Variants in AGBL4 observed in about 807,000 individuals in gnomAD.
AGBL4 encodes the protein AGBL carboxypeptidase 4, also known as cytosolic carboxypeptidase 6.
In AGBL4, 58 loss-of-function variants were observed where a neutral mutation model predicts 66.4. That is an observed-to-expected ratio of 0.87 (90% CI 0.71 to 1.09). The LOEUF is 1.09. AGBL4 is among the 50% of genes least tolerant of loss of function. The pLI is 0.00. For missense variants in AGBL4, 579 were observed against 631.0 expected, an observed-to-expected ratio of 0.92 and a Z score of 0.88; for synonymous variants, 234 against 222.9, an observed-to-expected ratio of 1.05 and a Z score of -0.44.
At chr1:49,871,103 G>A (rs1646828527) in intron 1 of AGBL4, among the ~76,000 whole-genome samples, 1 of 152,008 alleles carries the variant, frequency 6.6e-6, no homozygotes, top group Non-Finnish European at 1.5e-5. Flanking sequence ...AATTAGTTCA[G>A]AATTTCTCTG....
At chr1:48,776,492 G>T in intron 6 of AGBL4, 2 of 769,344 alleles carry the variant, frequency 2.6e-6, no homozygotes, top group East Asian at 3.4e-5. Context: ...GGAGAAGGAG[G>T]CAGGAAGGAG....
intron 4 of AGBL4, among the ~76,000 whole-genome samples, chr1:49,057,874 T>C (rs897127466): frequency 6.6e-6 from 1 of 152,154 alleles, no homozygotes. Context: ...ACAATAGATA[T>C]TTGTTAACTG....
chr1:48,574,980 A>G (rs1169042408), intron 11 of AGBL4, among the ~76,000 whole-genome samples: 1 of 152,110 alleles, frequency 6.6e-6, no homozygotes, highest in African/African-American at 2.4e-5. Flanking sequence ...AGCAAATCCT[A>G]AGATGACCAT....
intron 1 of AGBL4, among the ~76,000 whole-genome samples, chr1:49,861,337 A>G (rs1409564691): frequency 6.6e-6 from 1 of 152,072 alleles, no homozygotes; most frequent in Non-Finnish European, 1.5e-5. Flanking sequence ...CCCTAACCCT[A>G]GGCTGTAGAG....
intron 3 of AGBL4, among the ~76,000 whole-genome samples, chr1:49,296,176 T>A (rs958574090): frequency 3.9e-5 from 6 of 152,220 alleles, no homozygotes; most frequent in Non-Finnish European, 5.9e-5. Flanking sequence ...GCATTCTGGG[T>A]TTATCAGCAT....
intron 1 of AGBL4, among the ~76,000 whole-genome samples, chr1:49,950,123 T>C (rs143118895): frequency 8.6e-4 from 121 of 140,880 alleles, no homozygotes; most frequent in African/African-American, 3.1e-3. Context: ...TATATACACA[T>C]ATGTGTATAT....
chr1:49,423,883 C>G (rs1017230179), intron 3 of AGBL4, among the ~76,000 whole-genome samples: 1 of 150,680 alleles, frequency 6.6e-6, no homozygotes, highest in African/African-American at 2.4e-5. Flanking sequence ...TTAAGAGACA[C>G]AGCCGAGCTC....
intron 3 of AGBL4, among the ~76,000 whole-genome samples, chr1:49,483,158 T>C (rs758735830): frequency 4.6e-5 from 7 of 152,104 alleles, no homozygotes; most frequent in Non-Finnish European, 8.8e-5. Context: ...TTTCAGGTCT[T>C]GAATATCTTT....
chr1:49,234,267 A>T (rs1197410894), intron 4 of AGBL4, among the ~76,000 whole-genome samples: 1 of 152,230 alleles, frequency 6.6e-6, no homozygotes, highest in Non-Finnish European at 1.5e-5. Context: ...TTTGAAGGGA[A>T]GGAAGTAAAT....
intron 6 of AGBL4, among the ~76,000 whole-genome samples, chr1:48,679,528 G>T (rs2148477722): frequency 6.6e-6 from 1 of 152,242 alleles, no homozygotes; most frequent in Non-Finnish European, 1.5e-5. Flanking sequence ...CTCCCTCCCA[G>T]CCCACCTCTG....
intron 3 of AGBL4, among the ~76,000 whole-genome samples, chr1:49,315,479 T>G (rs1211363005): frequency 1.3e-5 from 2 of 151,924 alleles, no homozygotes; most frequent in African/African-American, 2.4e-5. Context: ...GGGAGAAAAT[T>G]TTTGCAATCT....
intron 4 of AGBL4, among the ~76,000 whole-genome samples, chr1:49,147,631 C>T (rs1267268937): frequency 1.3e-5 from 2 of 152,054 alleles, no homozygotes; most frequent in African/African-American, 4.8e-5. Flanking sequence ...ACTTTCCAGG[C>T]CAGCTAACAG....
intron 3 of AGBL4, among the ~76,000 whole-genome samples, chr1:49,308,369 G>C (rs1644885234): frequency 6.6e-6 from 1 of 152,086 alleles, no homozygotes; most frequent in African/African-American, 2.4e-5. Flanking sequence ...ATATAAGATA[G>C]TCTTTAATGT....
At chr1:48,730,227 C>T (rs1487136285) in intron 6 of AGBL4, among the ~76,000 whole-genome samples, 2 of 152,112 alleles carry the variant, frequency 1.3e-5, no homozygotes, top group African/African-American at 4.8e-5. Context: ...TCCCTCTCTA[C>T]CCCAGGCCAG....
chr1:48,734,445 C>A lies in AGBL4; in HGVS notation c.635-71204G>T, dbSNP rs186963509. Among the ~76,000 whole-genome samples, 253 of 152,318 alleles carry A rather than the reference C, an allele frequency of 1.7e-3. 1 individual carries two copies. The highest frequency in any genetic ancestry group is 0.014 in the Middle Eastern group (4 of 294). On this transcript the variant is annotated intron_variant, in intron 6 of 13. Transcript: ENST00000371839. ...CAAGAGCACTGTATCAGCTTTGTAA[C>A]TCATCTCCCATGTGGTCACTCCATG...
At chr1:49,441,243 G>T (rs561528887) in intron 3 of AGBL4, among the ~76,000 whole-genome samples, 2 of 152,266 alleles carry the variant, frequency 1.3e-5, no homozygotes, top group Admixed American at 6.5e-5. Context: ...CAGAAATCTG[G>T]AGAACAGGCA....
intron 3 of AGBL4, among the ~76,000 whole-genome samples, chr1:49,672,863 G>C (rs528054271): frequency 1.4e-5 from 2 of 146,720 alleles, no homozygotes; most frequent in Non-Finnish European, 3.0e-5. Context: ...GGAGGTTGCA[G>C]TGAGCTGAGA....
rs56357038 is a variant in AGBL4 at position 49,515,488 on chromosome 1, C to G, written c.282+181825G>C. 2.7e-3 allele frequency among the ~76,000 whole-genome samples: 403 copies of G among 151,868 alleles called. 6 individuals are homozygous for G. Among genetic ancestry groups the G allele is most frequent in the Middle Eastern group, 6.8e-3 (2 of 294 alleles). ...TGTGGAAGTTAGTGTGGCGATTCCT[C>G]AGGGATCTAGAACTAGAAATACCAT... On this transcript the variant is annotated intron_variant, in intron 3 of 13. Transcript: ENST00000371839.
chr1:48,982,616 G>C (rs1351294019), intron 5 of AGBL4, among the ~76,000 whole-genome samples: 2 of 152,168 alleles, frequency 1.3e-5, no homozygotes, highest in East Asian at 1.9e-4. Flanking sequence ...GGACATTTGG[G>C]TTGGTTCCAA....
Sources: allele counts gnomAD v4.1 joint callset (sites outside exome capture counted in the v4.1 genomes callset), GRCh38; gene constraint gnomAD v4.1.1; transcripts MANE v1.5; gene names NCBI Gene and HGNC (gene_info 2026-07-23, HGNC 2026-07-21).